FAM114A2: variants seen among roughly 807,000 people sequenced by gnomAD.
The protein encoded by FAM114A2 is family with sequence similarity 114 member A2.
A neutral mutation model predicts 58.4 loss-of-function variants in FAM114A2; 53 were observed. The ratio of observed to expected loss-of-function variants is 0.91; its 90% CI spans 0.73 to 1.14. The LOEUF (loss-of-function observed/expected upper bound fraction) is 1.14. Ranked by LOEUF, FAM114A2 falls within the 50% of genes most tolerant of loss-of-function variation. The pLI, the probability that FAM114A2 is intolerant of heterozygous loss-of-function variation, is 0.00. For synonymous variants in FAM114A2, 228 were observed against 211.4 expected (o/e 1.08, Z -0.68); for missense variants, 601 against 581.1 (o/e 1.03, Z -0.35).
chr5:153,998,511 T>C (rs1314323055), intron 11 of FAM114A2, among the ~76,000 whole-genome samples: 2 of 152,160 alleles, frequency 1.3e-5, no homozygotes, highest in Non-Finnish European at 2.9e-5. Context: ...GAACACGTAG[T>C]TATAAAGCAA....
chr5:154,015,976 T>C (rs1474233612), intron 8 of FAM114A2, among the ~76,000 whole-genome samples: 2 of 151,890 alleles, frequency 1.3e-5, no homozygotes, highest in Non-Finnish European at 2.9e-5. Flanking sequence ...AAATGCAAAA[T>C]GCTGTAGAAA....
chr5:154,013,034 A>G (rs916723444), intron 8 of FAM114A2, among the ~76,000 whole-genome samples: 3 of 151,376 alleles, frequency 2.0e-5, no homozygotes, highest in Non-Finnish European at 4.4e-5. Context: ...ATATTCACAT[A>G]TAATTTATAT....
intron 13 of FAM114A2, among the ~76,000 whole-genome samples, chr5:153,993,766 G>C (rs1769388080): frequency 6.6e-6 from 1 of 151,894 alleles, no homozygotes; most frequent in Non-Finnish European, 1.5e-5. Flanking sequence ...TCGAAGACAA[G>C]AGTGTTTCAA....
chr5:154,029,035 C>T (rs899822774), intron 5 of FAM114A2, among the ~76,000 whole-genome samples: 1 of 152,112 alleles, frequency 6.6e-6, no homozygotes, highest in African/African-American at 2.4e-5. Flanking sequence ...GCTATCTATC[C>T]TCATGTAGCA....
chr5:154,000,555 C>T (rs1769907435), intron 11 of FAM114A2, among the ~76,000 whole-genome samples: 1 of 152,000 alleles, frequency 6.6e-6, no homozygotes, highest in Non-Finnish European at 1.5e-5. Context: ...AAATGTGTTC[C>T]AAATGACGGC....
At chr5:154,017,516 C>A (rs766755250) in intron 8 of FAM114A2, among the ~76,000 whole-genome samples, 2 of 152,172 alleles carry the variant, frequency 1.3e-5, no homozygotes, top group South Asian at 2.1e-4. Context: ...TAACACCCCA[C>A]TGACAACACT....
intron 12 of FAM114A2, among the ~76,000 whole-genome samples, chr5:153,996,080 C>T (rs1203503706): frequency 6.6e-6 from 1 of 151,960 alleles, no homozygotes; most frequent in Admixed American, 6.6e-5. Context: ...TGCACAAGGC[C>T]CCAAGCAGTC....
At chr5:153,997,559 G>A (rs1309108903) in intron 12 of FAM114A2, among the ~76,000 whole-genome samples, 1 of 152,146 alleles carries the variant, frequency 6.6e-6, no homozygotes, top group Non-Finnish European at 1.5e-5. Flanking sequence ...GAGAAAGAAA[G>A]CAGATTCATG....
At chr5:154,021,272 A>C (rs2113401016) in intron 8 of FAM114A2, among the ~76,000 whole-genome samples, 1 of 152,346 alleles carries the variant, frequency 6.6e-6, no homozygotes. Context: ...CTCCTATTCA[A>C]CATAGTGTTG....
chr5:154,036,459 T>C lies in FAM114A2; in HGVS notation c.-14-1492A>G, dbSNP rs144079535. ...TAGAAATCAATACATCTCACACATA[T>C]GTACACACACGCTGTAGGTATGTAC... On this transcript the variant is annotated intron_variant, in intron 1 of 13. Transcript: ENST00000351797. 3.5e-3 allele frequency: 535 copies of C among 152,320 alleles called. 3 individuals carry two copies. The highest frequency in any genetic ancestry group is 0.012 in the African/African-American group (500 of 41,570). 9.4% of individuals were successfully genotyped at this position (152,320 alleles called of 1,614,324 possible).
At position 153,991,206 on chromosome 5, in the gene FAM114A2, A is replaced by G. The variant is rs1769233474; in HGVS notation, c.*1770T>C. 1 of 152,220 alleles carries G rather than the reference A, an allele frequency of 6.6e-6. No homozygotes were observed. The highest frequency in any genetic ancestry group is 1.5e-5 in the Non-Finnish European group (1 of 68,046). The allele number at this position is 152,220 out of a possible 1,614,324, so 9.4% of individuals were successfully genotyped here. On this transcript the variant is annotated 3_prime_UTR_variant, in exon 14 of 14. Transcript: ENST00000351797. ...GCTGAAATCTGAATAGGTGTATAAA[A>G]AGAGTTGTTACTCTCTCCTTCATAT...
chr5:154,037,639 A>ATACT (rs1476859649), intron 1 of FAM114A2, among the ~76,000 whole-genome samples: 2 of 152,210 alleles, frequency 1.3e-5, no homozygotes, highest in African/African-American at 4.8e-5. Context: ...TATATACAGT[A>ATACT]TACTATATGT....
intron 8 of FAM114A2, among the ~76,000 whole-genome samples, chr5:154,022,010 C>G (rs1771452782): frequency 1.3e-5 from 2 of 152,234 alleles, no homozygotes; most frequent in Non-Finnish European, 2.9e-5. Context: ...ACCATCTGAT[C>G]TTTGACAAAC....
chr5:154,021,326 G>A (rs1771407025), intron 8 of FAM114A2, among the ~76,000 whole-genome samples: 1 of 152,104 alleles, frequency 6.6e-6, no homozygotes, highest in Admixed American at 6.6e-5. Context: ...GAAATAAAGG[G>A]TATTCGACTA....
intron 9 of FAM114A2, among the ~76,000 whole-genome samples, chr5:154,007,177 T>C (rs1003388876): frequency 4.6e-5 from 7 of 152,184 alleles, no homozygotes; most frequent in African/African-American, 1.4e-4. Context: ...TCATGAACTA[T>C]TGTGCCAACT....
At chr5:154,035,047 T>G (rs1441235442) in intron 1 of FAM114A2, 80 bp from the exon 2 acceptor site, 1 of 787,020 alleles carries the variant, frequency 1.3e-6, no homozygotes, top group African/African-American at 1.8e-5. Flanking sequence ...TAGTTTGAGA[T>G]TATCATAGAT....
rs12108850 is a variant in FAM114A2 at position 154,026,924 on chromosome 5, T to C, written c.789+252A>G. Among the ~76,000 whole-genome samples, 306 of 151,144 alleles carry C rather than the reference T, an allele frequency of 2.0e-3. 1 individual carries two copies. Among genetic ancestry groups the C allele is most frequent in the African/African-American group, 7.2e-3 (297 of 41,242 alleles). On this transcript the variant is annotated intron_variant, in intron 7 of 13. Coordinates refer to ENST00000351797, the MANE Select transcript of FAM114A2 (RefSeq NM_018691.4). ...ACCAAAACGAAGGAAAAATAACACA[T>C]GTCCTATTAAGACCTCTTTGTTAAC...
chr5:154,011,226 G>C lies in FAM114A2; in HGVS notation c.993+15C>G. ...CAAGTAAAATAATGAAAATCACCAA[G>C]AAGCAATAACTTACCCTGGCAAGTT... On this transcript the variant is annotated intron_variant, in intron 9 of 13. Coordinates refer to ENST00000351797, the MANE Select transcript of FAM114A2 (RefSeq NM_018691.4). The C allele has an allele frequency of 6.4e-7, 1 of 1,569,476 alleles. No homozygotes were observed. Among genetic ancestry groups the C allele is most frequent in the South Asian group, 1.1e-5 (1 of 88,868 alleles).
At chr5:154,022,357 A>G (rs1222908364) in intron 8 of FAM114A2, among the ~76,000 whole-genome samples, 1 of 152,218 alleles carries the variant, frequency 6.6e-6, no homozygotes, top group African/African-American at 2.4e-5. Context: ...CAACCTACAG[A>G]ATGGGAGAAG....
Sources: allele counts gnomAD v4.1 joint callset (sites outside exome capture counted in the v4.1 genomes callset), GRCh38; gene constraint gnomAD v4.1.1; transcripts MANE v1.5; gene names NCBI Gene and HGNC (gene_info 2026-07-23, HGNC 2026-07-21).